Variants in IGDCC3 observed in about 807,000 individuals in gnomAD.
IGDCC3 encodes putative neuronal cell adhesion molecule.
IGDCC3 carries 47 observed loss-of-function variants against 72.0 expected under a neutral mutation model. That is an observed-to-expected ratio of 0.65 (90% CI 0.52 to 0.83). The LOEUF (loss-of-function observed/expected upper bound fraction) is 0.83, where lower values mean the gene tolerates loss of function less well. Ranked by LOEUF, IGDCC3 falls within the 40% of genes least tolerant of loss-of-function variation. IGDCC3 has a pLI of 0.00. For missense variants in IGDCC3, 1,038 were observed against 1,091.3 expected, an observed-to-expected ratio of 0.95 and a Z score of 0.69; for synonymous variants, 477 against 472.8, an observed-to-expected ratio of 1.01 and a Z score of -0.11.
Position 65,331,128 on chromosome 15 carries a change from T to C in IGDCC3, c.1483A>G (p.Ser495Gly). 1.9e-6 allele frequency: 3 copies of C among 1,614,044 alleles called. No individual in the cohort carries two copies. Among genetic ancestry groups the C allele is most frequent in the Non-Finnish European group, 2.5e-6 (3 of 1,179,990 alleles). Residue 495 changes from serine to glycine, a missense_variant, in exon 9 of 14, where the codon AGT becomes GGT. Coordinates refer to ENST00000327987, the MANE Select transcript of IGDCC3 (RefSeq NM_004884.4). The stretch of plus-strand genomic sequence containing the variant: ...GGTGTGTAGGCCTTGATGTAGAAAC[T>C]GTAGGCTGTGGAGGGCTCCAGGTCG... Reference protein sequence around the residue: ...VSDLEPSTAYSFYIKAYTPRG... With the variant: ...VSDLEPSTAYGFYIKAYTPRG...
At chr15:65,333,529 G>T in intron 5 of IGDCC3, 114 bp from the exon 6 acceptor site, 1 of 989,230 alleles carries the variant, frequency 1.0e-6, no homozygotes. Flanking sequence ...GGGAGCCCCA[G>T]TCTTTGACTC....
At chr15:65,351,304 A>C (rs997865131) in intron 2 of IGDCC3, among the ~76,000 whole-genome samples, 5 of 152,246 alleles carry the variant, frequency 3.3e-5, no homozygotes, top group Admixed American at 2.0e-4. Flanking sequence ...TGGGAGGCCA[A>C]GGTGGGCAGA....
At chr15:65,347,924 G>A (rs554233899) in intron 2 of IGDCC3, among the ~76,000 whole-genome samples, 93 of 150,592 alleles carry the variant, frequency 6.2e-4, no homozygotes, top group African/African-American at 2.1e-3. Flanking sequence ...CAACAAGAGC[G>A]AAATTTCATC....
intron 2 of IGDCC3, among the ~76,000 whole-genome samples, chr15:65,351,045 C>G (rs1337351729): frequency 6.6e-6 from 1 of 151,992 alleles, no homozygotes; most frequent in Non-Finnish European, 1.5e-5. Context: ...AGAAAAAAAT[C>G]TAAAGTTTAA....
At chr15:65,353,201 TTTCC>T (rs915798699) in intron 2 of IGDCC3, among the ~76,000 whole-genome samples, 28 of 151,838 alleles carry the variant, frequency 1.8e-4, no homozygotes, top group East Asian at 1.2e-3. Flanking sequence ...TTTTTTTTTT[TTTCC>T]TTCCTTCCTT....
chr15:65,359,982 C>G (rs2091250005), intron 2 of IGDCC3, among the ~76,000 whole-genome samples: 1 of 152,048 alleles, frequency 6.6e-6, no homozygotes. Context: ...CATATAATAC[C>G]CACAGCTCCC....
chr15:65,340,260 G>A (rs1194251551), intron 2 of IGDCC3, among the ~76,000 whole-genome samples: 2 of 152,124 alleles, frequency 1.3e-5, no homozygotes, highest in African/African-American at 4.8e-5. Context: ...GGTCAGGCCT[G>A]GATCTGATTA....
In IGDCC3 at chr15:65,375,385, C is replaced by G. The variant is rs1171626967; in HGVS notation, c.121G>C (p.Glu41Gln). Residue 41 changes from glutamate (E) to glutamine (Q), a missense_variant, in exon 2 of 14, where the codon GAA (glutamate) becomes CAA (glutamine). Physicochemically the swap from Glu to Gln is conservative, Grantham distance 29 (BLOSUM62 2). Transcript: ENST00000327987. ...CTTGGCTCCACAGCAAATGCCAGTT[C>G]AGCAGAGTGGCCAAGACCTGCATTG... Reference protein sequence around the residue: ...APSEGLGHSAELAFAVEPSDD... With the variant: ...APSEGLGHSAQLAFAVEPSDD... 1 of 1,603,590 alleles carries G rather than the reference C, an allele frequency of 6.2e-7. No homozygotes were observed. The highest frequency in any genetic ancestry group is 8.5e-7 in the Non-Finnish European group (1 of 1,171,552).
intron 1 of IGDCC3, among the ~76,000 whole-genome samples, chr15:65,375,791 C>A (rs575180451): frequency 1.2e-4 from 19 of 152,204 alleles, no homozygotes; most frequent in Non-Finnish European, 2.5e-4. Context: ...TGGATAAGCA[C>A]TGAAGCCTCA....
intron 2 of IGDCC3, among the ~76,000 whole-genome samples, chr15:65,371,958 A>C (rs2091328158): frequency 6.6e-6 from 1 of 152,100 alleles, no homozygotes; most frequent in African/African-American, 2.4e-5. Flanking sequence ...AACAAGATGC[A>C]CTCTGGCTCC....
Position 65,375,343 on chromosome 15 carries a change from G to C in IGDCC3, c.163C>G (p.Pro55Ala). 2 of 1,611,434 alleles carry C rather than the reference G, an allele frequency of 1.2e-6. No individual in the cohort carries two copies. Among genetic ancestry groups the C allele is most frequent in the Non-Finnish European group, 1.7e-6 (2 of 1,177,824 alleles). ...AVEPSDDVAV[P>A]GQPIVLDCRV... ...CAGTCCAGCACTATAGGCTGCCCGG[G>C]GACGGCAACATCATCACTTGGCTCC... Residue 55 changes from proline (P) to alanine (A), a missense_variant, in exon 2 of 14, where the codon CCC becomes GCC. By Grantham distance (27) the Pro-to-Ala change is conservative. Transcript: ENST00000327987.
At chr15:65,352,722 T>C (rs2091182332) in intron 2 of IGDCC3, among the ~76,000 whole-genome samples, 1 of 152,214 alleles carries the variant, frequency 6.6e-6, no homozygotes, top group Non-Finnish European at 1.5e-5. Flanking sequence ...TAAAAGATCC[T>C]ATGTGAAAAA....
chr15:65,355,637 A>T (rs1248574685), intron 2 of IGDCC3: 1 of 349,130 alleles, frequency 2.9e-6, no homozygotes, highest in Non-Finnish European at 6.0e-6. Flanking sequence ...CCCGCGGCTA[A>T]TCCCCGCCGA....
In IGDCC3 at chr15:65,377,579, A is replaced by C. The variant is rs2091366751; in HGVS notation, c.103+107T>G. On this transcript the variant is annotated intron_variant, in intron 1 of 13. Transcript: ENST00000327987. This position sits in a 1 kb window ranked among gnomAD's most constrained non-coding sequence, Gnocchi z 4.9. ...TCCCCCCCGCGCGGGGTCCGCCCTCAGGTCCGCGCCGCTCTCCCCGGGTCC... is the reference window on the plus strand; with the variant it reads ...TCCCCCCCGCGCGGGGTCCGCCCTCCGGTCCGCGCCGCTCTCCCCGGGTCC... 4 of 1,128,988 alleles carry C rather than the reference A, an allele frequency of 3.5e-6. No homozygotes were observed. Among genetic ancestry groups the C allele is most frequent in the Non-Finnish European group, 4.5e-6 (4 of 887,548 alleles). 69.9% of individuals were successfully genotyped at this position (1,128,988 alleles called of 1,614,324 possible). A position where few individuals can be genotyped will look rare whatever the true frequency, so the allele number is the denominator to read the frequency against.
In IGDCC3 at chr15:65,377,811, C is replaced by A. The variant is rs1295685125; in HGVS notation, c.-23G>T. ...CATGGGGCTCTCGGTCAGCTCGGCT[C>A]GGCGACGCGCGGCTCCCGGGCCTCT... On this transcript the variant is annotated 5_prime_UTR_variant, in exon 1 of 14. Transcript: ENST00000327987. This position sits in a 1 kb window ranked among gnomAD's most constrained non-coding sequence, Gnocchi z 4.9. The A allele has an allele frequency of 1.2e-5, 14 of 1,183,796 alleles. No individual in the cohort carries two copies. The highest frequency in any genetic ancestry group is 1.5e-5 in the Non-Finnish European group (14 of 957,352). 73.3% of individuals were successfully genotyped at this position (1,183,796 alleles called of 1,614,324 possible).
chr15:65,377,810 T>G lies in IGDCC3; in HGVS notation c.-22A>C. The G allele has an allele frequency of 2.5e-6, 3 of 1,189,444 alleles. No individual in the cohort carries two copies. Among genetic ancestry groups the G allele is most frequent in the Non-Finnish European group, 3.1e-6 (3 of 960,930 alleles). The allele number at this position is 1,189,444 out of a possible 1,614,324, so 73.7% of individuals were successfully genotyped here. On this transcript the variant is annotated 5_prime_UTR_variant, in exon 1 of 14. Coordinates refer to ENST00000327987, the MANE Select transcript of IGDCC3 (RefSeq NM_004884.4). This position sits in a 1 kb window ranked among gnomAD's most constrained non-coding sequence, Gnocchi z 4.9. The stretch of plus-strand genomic sequence containing the variant: ...CCATGGGGCTCTCGGTCAGCTCGGC[T>G]CGGCGACGCGCGGCTCCCGGGCCTC...
intron 2 of IGDCC3, 76 bp from the exon 3 acceptor site, chr15:65,336,032 C>T: frequency 1.3e-6 from 2 of 1,491,246 alleles, no homozygotes; most frequent in African/African-American, 1.4e-5. Flanking sequence ...GCAGTGGCGT[C>T]ACAGGCACGG....
At chr15:65,352,322 T>C (rs760663771) in intron 2 of IGDCC3, among the ~76,000 whole-genome samples, 15 of 152,252 alleles carry the variant, frequency 9.9e-5, no homozygotes, top group Non-Finnish European at 1.5e-4. Flanking sequence ...TCTTAACTTA[T>C]GGCAATATAA....
At chr15:65,364,903 A>G (rs1291755003) in intron 2 of IGDCC3, among the ~76,000 whole-genome samples, 1 of 152,106 alleles carries the variant, frequency 6.6e-6, no homozygotes, top group African/African-American at 2.4e-5. Context: ...AAAAAGAAAA[A>G]TAGAACATGC....
Sources: allele counts gnomAD v4.1 joint callset (sites outside exome capture counted in the v4.1 genomes callset), GRCh38; gene constraint gnomAD v4.1.1; non-coding constraint Gnocchi (gnomAD v3.1); transcripts MANE v1.5; gene names NCBI Gene and HGNC (gene_info 2026-07-23, HGNC 2026-07-21).